The following ARAP2 variants were observed in gnomAD, a reference collection of about 807,000 sequenced individuals.
The protein encoded by ARAP2 is ArfGAP with RhoGAP domain, ankyrin repeat and PH domain 2.
In ARAP2, 148 loss-of-function variants were observed where a neutral mutation model predicts 194.5. The ratio of observed to expected loss-of-function variants is 0.76; its 90% CI spans 0.67 to 0.87. The LOEUF is 0.87. Ranked by LOEUF, ARAP2 falls within the 40% of genes least tolerant of loss-of-function variation. The pLI is 0.00. For missense variants in ARAP2, 2,128 were observed against 1,989.7 expected (o/e 1.07, Z -1.32); for synonymous variants, 695 against 683.5 (o/e 1.02, Z -0.26).
At position 36,158,818 on chromosome 4, in the gene ARAP2, C is replaced by A; in HGVS notation, c.2664G>T (p.Glu888Asp). Residue 888 changes from glutamate (E) to aspartate (D), a missense_variant, in exon 15 of 33, where the codon GAG becomes GAT. Transcript: ENST00000303965. The stretch of plus-strand genomic sequence containing the variant: ...CACAGAGGAATGTGGACTGGGAAGA[C>A]TCTTGACTTAATACACCCTCGGAAT... Reference protein sequence around the residue: ...DIHSEGVLSQESSQSTFLCDF... With the variant: ...DIHSEGVLSQDSSQSTFLCDF... The A allele has an allele frequency of 6.2e-7, 1 of 1,611,616 alleles. No homozygotes were observed. The highest frequency in any genetic ancestry group is 8.5e-7 in the Non-Finnish European group (1 of 1,179,140).
chr4:36,047,899 G>A lies in ARAP2; in HGVS notation n.370-1050C>T, dbSNP rs115340623. On this transcript the variant is annotated intron_variant and non_coding_transcript_variant, in intron 3 of 12. Coordinates refer to the ARAP2 transcript ENST00000503225. ...GATACAGAAACAAAAAGTTCAAAGA[G>A]CCTGAGTCTAATCCTGATATGCAGT... 9.3e-3 allele frequency among the ~76,000 whole-genome samples: 1,416 copies of A among 152,266 alleles called. 15 individuals are homozygous for A. The highest frequency in any genetic ancestry group is 0.029 in the African/African-American group (1,208 of 41,564).
chr4:36,081,630 G>T (rs1729573945), intron 30 of ARAP2, among the ~76,000 whole-genome samples: 1 of 152,076 alleles, frequency 6.6e-6, no homozygotes, highest in Admixed American at 6.6e-5. Flanking sequence ...CAGTGGAGAG[G>T]TGGAGAATGT....
In ARAP2 at chr4:36,098,204, C is replaced by T. The variant is rs73806444; in HGVS notation, c.4286-6184G>A. On this transcript the variant is annotated intron_variant, in intron 27 of 32. Coordinates refer to ENST00000303965, the MANE Select transcript of ARAP2 (RefSeq NM_015230.4). ...GAGGGGAAGAGGAGAGAGAAACATA[C>T]ACCCAGGAATGGCATTTCTCAGATA... is the stretch of plus-strand genomic sequence containing the variant. 5.6e-3 allele frequency among the ~76,000 whole-genome samples: 856 copies of T among 152,156 alleles called. 8 individuals carry two copies. Among genetic ancestry groups the T allele is most frequent in the African/African-American group, 0.019 (808 of 41,514 alleles).
chr4:36,204,780 G>A (rs1006499301), intron 6 of ARAP2, among the ~76,000 whole-genome samples: 1 of 151,922 alleles, frequency 6.6e-6, no homozygotes, highest in African/African-American at 2.4e-5. Context: ...CACGAGGTCA[G>A]GAGTTCAAGA....
chr4:36,155,288 T>C (rs13109154), intron 15 of ARAP2, among the ~76,000 whole-genome samples: 37,289 of 152,138 alleles, frequency 0.25, 5,105 homozygotes, highest in South Asian at 0.32. Flanking sequence ...GGAAACAGGA[T>C]CATCTCCATG....
At chr4:36,136,816 T>TGCGTGC (rs1553916079) in intron 19 of ARAP2, among the ~76,000 whole-genome samples, 1 of 145,170 alleles carries the variant, frequency 6.9e-6, no homozygotes, top group African/African-American at 2.6e-5. Flanking sequence ...TGTGTGTGTG[T>TGCGTGC]GTGCGTGTCT....
rs35400920 is a variant in ARAP2, at chr4:36,161,467, C to G, written c.2257G>C (p.Glu753Gln). The G allele has an allele frequency of 2.5e-3, 4,111 of 1,612,848 alleles. 13 individuals carry two copies. The highest frequency in any genetic ancestry group is 3.3e-3 in the Non-Finnish European group (3,842 of 1,178,968). Residue 753 changes from glutamate (E) to glutamine (Q), a missense_variant and splice_region_variant, in exon 12 of 33, where the codon GAG becomes CAG. Physicochemically the swap from Glu to Gln is conservative, Grantham distance 29. Coordinates refer to ENST00000303965, the MANE Select transcript of ARAP2 (RefSeq NM_015230.4). The part of the protein sequence containing the change: ...DASIWSNELI[E>Q]LFIVIGNKRA... The stretch of plus-strand genomic sequence containing the variant: ...CATTCAGGTTAAATAGGACTCACCT[C>G]GATGAGTTCATTGCTCCAAATGCTA...
chr4:36,239,380 TATGAATGG>T (rs139805484), intron 1 of ARAP2, among the ~76,000 whole-genome samples: 8 of 152,208 alleles, frequency 5.3e-5, no homozygotes, highest in South Asian at 2.1e-4. Context: ...CCCAGATATC[TATGAATGG>T]ATGAATGGAT....
intron 27 of ARAP2, among the ~76,000 whole-genome samples, chr4:36,104,700 A>G (rs1717913555): frequency 6.6e-6 from 1 of 152,016 alleles, no homozygotes; most frequent in South Asian, 2.1e-4. Context: ...ATAATGAAAG[A>G]GATTATTTTG....
rs1417728665 is a variant in ARAP2, at chr4:36,229,435, T to C, written c.52A>G (p.Ile18Val). 6.2e-7 allele frequency: 1 copy of C among 1,613,504 alleles called. No homozygotes were observed. The change falls in exon 2 of 33, where the codon ATT (isoleucine) becomes GTT (valine). Residue 18 changes from isoleucine to valine, a missense_variant. Physicochemically the swap from Ile to Val is conservative, Grantham distance 29 (BLOSUM62 3). Coordinates refer to ENST00000303965, the MANE Select transcript of ARAP2 (RefSeq NM_015230.4). ...TGTAAGAGATACTGCTCCAAATTAA[T>C]GCTCATTAGGAAATCTTTTATATCC... is the stretch of plus-strand genomic sequence containing the variant. ...NVDIKDFLMS[I>V]NLEQYLLHFH... is the part of the protein sequence containing the mutation.
At chr4:36,062,583 G>A (rs1724619793), downstream of ARAP2, among the ~76,000 whole-genome samples, 4 of 151,874 alleles carry the variant, frequency 2.6e-5, no homozygotes, top group South Asian at 8.3e-4. Flanking sequence ...TCTCTACTAT[G>A]CTGCTATATA....
rs956941229 is a variant in ARAP2, at chr4:36,095,800, G to A, written c.4286-3780C>T. Among the ~76,000 whole-genome samples the A allele has an allele frequency of 8.5e-5, 13 of 152,140 alleles. No individual in the cohort carries two copies. The East Asian group carries it at 1.5e-3, about 18-fold the overall frequency. On this transcript the variant is annotated intron_variant, in intron 27 of 32. Coordinates refer to ENST00000303965, the MANE Select transcript of ARAP2 (RefSeq NM_015230.4). ...ATATTCAACTGCTTACTTGAGAACC[G>A]AAGAACAATAAAAAGAAAGAGAAAC...
chr4:36,242,111 A>G (rs1264183380), intron 1 of ARAP2, among the ~76,000 whole-genome samples: 1 of 152,224 alleles, frequency 6.6e-6, no homozygotes, highest in African/African-American at 2.4e-5. Context: ...GTAATAACTA[A>G]AATGATAAAT....
intron 15 of ARAP2, 132 bp downstream of exon 15, chr4:36,158,598 A>G (rs1472237307): frequency 1.3e-6 from 1 of 783,352 alleles, no homozygotes. Context: ...AGAAGCATTT[A>G]TAAATCCTCA....
rs188004717 is a variant in ARAP2 at position 36,116,074 on chromosome 4, C to A, written c.4038+987G>T. Among the ~76,000 whole-genome samples, 323 of 152,024 alleles carry A rather than the reference C, an allele frequency of 2.1e-3. 2 individuals carry two copies. The highest frequency in any genetic ancestry group is 0.019 in the Admixed American group (284 of 15,252). On this transcript the variant is annotated intron_variant, in intron 25 of 32. Coordinates refer to ENST00000303965, the MANE Select transcript of ARAP2 (RefSeq NM_015230.4). The stretch of plus-strand genomic sequence containing the variant: ...AGTTCCTCACATCTCTTATGATCAG[C>A]ATTATGCATTCAGTATAAGAAATAT...
chr4:36,168,942 A>G (rs982690175), intron 9 of ARAP2, among the ~76,000 whole-genome samples: 5 of 152,218 alleles, frequency 3.3e-5, no homozygotes, highest in Non-Finnish European at 7.3e-5. Context: ...GCCTATTGGC[A>G]CAGGGTTATA....
chr4:36,184,821 A>G (rs1740147209), intron 8 of ARAP2, among the ~76,000 whole-genome samples: 2 of 152,236 alleles, frequency 1.3e-5, no homozygotes, highest in South Asian at 4.1e-4. Flanking sequence ...AACCATAAGG[A>G]AAGACTGTCA....
rs1221153500 is a variant in ARAP2, at chr4:36,133,384, A to G, written c.3269T>C (p.Leu1090Ser). The G allele has an allele frequency of 2.5e-6, 4 of 1,605,114 alleles. No homozygotes were observed. The African/African-American group carries it at 5.4e-5, about 22-fold the overall frequency. The change falls in exon 20 of 33, where the codon TTA becomes TCA. Residue 1090 changes from leucine (L) to serine (S), a missense_variant. Leu to Ser is a moderately radical substitution (Grantham distance 145, BLOSUM62 -2). Transcript: ENST00000303965. ...VLLLVEKGRT[L>S]YIHGHTKLDF... Reference sequence around the variant, plus strand: ...CAACTTGGTATGCCCATGGATGTATAATGTTCTGTAAAGTTTAAAAAGCAT... The same window carrying G: ...CAACTTGGTATGCCCATGGATGTATGATGTTCTGTAAAGTTTAAAAAGCAT...
intron 2 of ARAP2, among the ~76,000 whole-genome samples, chr4:36,216,479 G>A (rs1347933298): frequency 6.6e-6 from 1 of 151,928 alleles, no homozygotes; most frequent in Admixed American, 6.6e-5. Context: ...AATGTGAAAG[G>A]GTGCATCCAT....
Sources: gnomAD v4.1 joint callset for allele counts (sites outside exome capture counted in the v4.1 genomes callset) on GRCh38, gnomAD v4.1.1 for gene constraint, MANE v1.5 for transcripts, NCBI Gene and HGNC (gene_info 2026-07-23, HGNC 2026-07-21) for gene names.